Variants in WWOX observed in about 807,000 individuals in gnomAD.
WWOX encodes WW domain-containing oxidoreductase.
Under a neutral mutation model 46.2 loss-of-function variants are expected in WWOX, and 69 were observed. The ratio of observed to expected loss-of-function variants is 1.49; its 90% confidence interval spans 1.23 to 1.82. The LOEUF is 1.82. Among genes scored for constraint, WWOX ranks in the 40% most tolerant of loss-of-function variants. The pLI is 0.00. For missense variants in WWOX, 919 were observed against 542.6 expected (o/e 1.69, Z -6.89); for synonymous variants, 359 against 202.6 (o/e 1.77, Z -6.56).
At chr16:78,548,912 G>A (rs943851608) in intron 8 of WWOX, among the ~76,000 whole-genome samples, 1 of 152,006 alleles carries the variant, frequency 6.6e-6, no homozygotes, top group African/African-American at 2.4e-5. Flanking sequence ...TTGTAAAGAA[G>A]GTTTCTATCT....
chr16:78,737,885 A>G (rs2142405742), intron 8 of WWOX, among the ~76,000 whole-genome samples: 1 of 152,214 alleles, frequency 6.6e-6, no homozygotes, highest in South Asian at 2.1e-4. Flanking sequence ...GATCCCTTCC[A>G]AAGGCCATGA....
intron 5 of WWOX, among the ~76,000 whole-genome samples, chr16:78,361,118 T>G (rs1407609703): frequency 2.0e-5 from 3 of 152,174 alleles, no homozygotes; most frequent in Non-Finnish European, 4.4e-5. Context: ...CCACTGCACC[T>G]GGCTTGGAGC....
At chr16:78,113,842 G>A (rs948670849) in intron 3 of WWOX, among the ~76,000 whole-genome samples, 1 of 152,000 alleles carries the variant, frequency 6.6e-6, no homozygotes. Context: ...ATGAGGATGA[G>A]GATGGTAATA....
intron 8 of WWOX, among the ~76,000 whole-genome samples, chr16:78,522,103 A>G (rs1025130087): frequency 6.6e-6 from 1 of 151,698 alleles, no homozygotes; most frequent in African/African-American, 2.4e-5. Flanking sequence ...CTTTTCATAT[A>G]CAAGGGAATA....
At chr16:78,949,940 A>G (rs1465312018) in intron 8 of WWOX, among the ~76,000 whole-genome samples, 1 of 152,182 alleles carries the variant, frequency 6.6e-6, no homozygotes, top group Non-Finnish European at 1.5e-5. Flanking sequence ...GGTAAAGGAT[A>G]TGTGAAGCAC....
At chr16:78,806,602 CT>C (rs1364717180) in intron 8 of WWOX, among the ~76,000 whole-genome samples, 2 of 152,118 alleles carry the variant, frequency 1.3e-5, no homozygotes, top group African/African-American at 4.8e-5. Flanking sequence ...TCCATGTACC[CT>C]GAGCTTCCTC....
At chr16:78,323,479 C>A (rs1163354459) in intron 5 of WWOX, among the ~76,000 whole-genome samples, 1 of 151,226 alleles carries the variant, frequency 6.6e-6, no homozygotes, top group African/African-American at 2.4e-5. Context: ...ATCAGGAGAC[C>A]CAGCAGTTTC....
intron 8 of WWOX, among the ~76,000 whole-genome samples, chr16:78,764,065 A>T (rs2049865797): frequency 6.6e-6 from 1 of 152,196 alleles, no homozygotes; most frequent in Non-Finnish European, 1.5e-5. Context: ...TTGCTCAGAG[A>T]GATCCAGAAG....
At chr16:78,726,100 C>CCTCCCTCCCTCT (rs2048827235) in intron 8 of WWOX, among the ~76,000 whole-genome samples, 4 of 135,910 alleles carry the variant, frequency 2.9e-5, no homozygotes, top group African/African-American at 8.1e-5. Context: ...TCCCTCCCTC[C>CCTCCCTCCCTCT]CTCCCTCCCT....
At chr16:78,643,321 C>T (rs531982740) in intron 8 of WWOX, among the ~76,000 whole-genome samples, 23 of 152,216 alleles carry the variant, frequency 1.5e-4, no homozygotes, top group African/African-American at 4.8e-4. Context: ...CAAAATCAAC[C>T]GTGACAAGGT....
intron 4 of WWOX, among the ~76,000 whole-genome samples, chr16:78,145,592 T>C (rs1310753236): frequency 1.3e-5 from 2 of 152,158 alleles, no homozygotes; most frequent in Non-Finnish European, 2.9e-5. Context: ...GGTCTGTCTC[T>C]CTTCATCCGC....
At chr16:78,800,509 G>C (rs2050858907) in intron 8 of WWOX, among the ~76,000 whole-genome samples, 1 of 152,172 alleles carries the variant, frequency 6.6e-6, no homozygotes, top group Admixed American at 6.5e-5. Context: ...TGGAGGTCTA[G>C]GAACGGGGGT....
chr16:78,683,638 G>A (rs775175988), intron 8 of WWOX, among the ~76,000 whole-genome samples: 4 of 152,088 alleles, frequency 2.6e-5, no homozygotes, highest in Admixed American at 6.6e-5. Context: ...CTGGGTTCAC[G>A]TGATCCTCCT....
intron 8 of WWOX, among the ~76,000 whole-genome samples, chr16:79,152,655 G>A (rs1294518383): frequency 6.7e-6 from 1 of 149,454 alleles, no homozygotes. Context: ...TGGCGACAGA[G>A]TGAGTCTCCA....
chr16:78,126,531 C>T (rs949547022), intron 4 of WWOX, among the ~76,000 whole-genome samples: 2 of 152,050 alleles, frequency 1.3e-5, no homozygotes, highest in Non-Finnish European at 2.9e-5. Flanking sequence ...GGATATGTAT[C>T]GATTACTAAT....
intron 8 of WWOX, among the ~76,000 whole-genome samples, chr16:78,515,241 C>G (rs1377542060): frequency 4.6e-5 from 7 of 151,884 alleles, no homozygotes; most frequent in Admixed American, 3.9e-4. Context: ...GAAAATAAAA[C>G]AAACAAAAAA....
chr16:78,987,302 T>C (rs1376023116), intron 8 of WWOX, among the ~76,000 whole-genome samples: 6 of 152,244 alleles, frequency 3.9e-5, no homozygotes, highest in Middle Eastern at 3.2e-3. Context: ...TGAGTGGTTT[T>C]GCTTTGTTTT....
chr16:78,743,081 C>T (rs988833243), intron 8 of WWOX, among the ~76,000 whole-genome samples: 2 of 152,006 alleles, frequency 1.3e-5, no homozygotes, highest in African/African-American at 4.8e-5. Context: ...ACCCGATCAG[C>T]CCCCGAAGGA....
chr16:78,434,128 G>C (rs570051175), intron 8 of WWOX, among the ~76,000 whole-genome samples: 4 of 152,320 alleles, frequency 2.6e-5, no homozygotes, highest in South Asian at 4.1e-4. Flanking sequence ...GTCTTTTGAA[G>C]TGCTTAGGAG....
Sources: gnomAD v4.1 joint callset for allele counts (sites outside exome capture counted in the v4.1 genomes callset) on GRCh38, gnomAD v4.1.1 for gene constraint, MANE v1.5 for transcripts, NCBI Gene and HGNC (gene_info 2026-07-23, HGNC 2026-07-21) for gene names.